TTC4: variants seen among roughly 807,000 people sequenced by gnomAD.
TTC4 encodes the protein hsp70/Hsp90 co-chaperone CNS1 homolog.
A neutral mutation model predicts 51.9 loss-of-function variants in TTC4; 36 were observed. The ratio of observed to expected loss-of-function variants is 0.69; its 90% CI spans 0.53 to 0.92. The LOEUF is 0.92. TTC4 is among the 40% of genes least tolerant of loss of function. The pLI, the probability that TTC4 is intolerant of heterozygous loss-of-function variation, is 0.00. For missense variants in TTC4, 399 were observed against 454.6 expected (o/e 0.88, Z 1.11); for synonymous variants, 144 against 164.2 (o/e 0.88, Z 0.94).
In TTC4 at chr1:54,716,019, G is replaced by A; in HGVS notation, c.111G>A (p.Lys37=). The A allele has an allele frequency of 1.9e-6, 3 of 1,579,962 alleles. No homozygotes were observed. The highest frequency in any genetic ancestry group is 1.2e-5 in the South Asian group (1 of 86,282). ...RGGFHEDQWE[K]EFEKVPLFMS... is the part of the protein sequence containing the mutation. ...GCTTTCATGAGGACCAGTGGGAGAA[G>A]GTGGGCGGTCCTGGGGTCTCCCCAC... The change falls in exon 1 of 10, where the codon AAG becomes AAA. Residue 37 remains lysine (K), a splice_region_variant and synonymous_variant. Transcript: ENST00000371281.
intron 6 of TTC4, among the ~76,000 whole-genome samples, chr1:54,729,411 T>C (rs1645838720): frequency 1.3e-5 from 2 of 152,356 alleles, no homozygotes; most frequent in Admixed American, 6.5e-5. Flanking sequence ...AAATAGGTTG[T>C]CTTGCTTCTG....
chr1:54,731,403 T>G (rs1645864021), intron 6 of TTC4, 83 bp from the exon 7 acceptor site: 1 of 1,309,878 alleles, frequency 7.6e-7, no homozygotes, highest in East Asian at 2.6e-5. Context: ...GCATTATGGT[T>G]TCTTTATTTC....
chr1:54,730,807 T>TA (rs1645856505), intron 6 of TTC4, among the ~76,000 whole-genome samples: 1 of 151,802 alleles, frequency 6.6e-6, no homozygotes, highest in Non-Finnish European at 1.5e-5. Flanking sequence ...TTTTTTTTTT[T>TA]ATCTTTTCTG....
chr1:54,720,564 A>G (rs373278273), intron 3 of TTC4, among the ~76,000 whole-genome samples: 1 of 151,532 alleles, frequency 6.6e-6, no homozygotes, highest in Admixed American at 6.6e-5. Context: ...TAGAACAGAC[A>G]TCCTACCGTG....
chr1:54,740,699 C>A (rs1181287872), intron 9 of TTC4, among the ~76,000 whole-genome samples: 1 of 152,050 alleles, frequency 6.6e-6, no homozygotes, highest in Non-Finnish European at 1.5e-5. Context: ...CGAAATAGGC[C>A]CTCTGTCCCA....
intron 5 of TTC4, 123 bp downstream of exon 5, chr1:54,722,922 TG>T: frequency 8.0e-7 from 1 of 1,250,388 alleles, no homozygotes; most frequent in East Asian, 2.5e-5. Context: ...TCCCTACTCC[TG>T]GAACTCTGTG....
chr1:54,728,111 G>A (rs1645823457), intron 5 of TTC4, among the ~76,000 whole-genome samples: 1 of 152,176 alleles, frequency 6.6e-6, no homozygotes, highest in African/African-American at 2.4e-5. Context: ...CCCCTCAGTA[G>A]ACTGTGAGTT....
At chr1:54,720,746 C>T (rs193267469) in intron 3 of TTC4, among the ~76,000 whole-genome samples, 15 of 152,238 alleles carry the variant, frequency 9.9e-5, no homozygotes, top group African/African-American at 2.6e-4. Flanking sequence ...TATCCCTGCA[C>T]ATTTGTTCAA....
intron 4 of TTC4, 98 bp from the exon 5 acceptor site, chr1:54,722,577 G>A (rs1472686469): frequency 1.9e-6 from 3 of 1,549,018 alleles, no homozygotes; most frequent in Non-Finnish European, 2.6e-6. Flanking sequence ...TGCCTTCAGG[G>A]TACTGGCTGG....
rs1404425140 is a variant in TTC4 at position 54,731,500 on chromosome 1, G to A, written c.696G>A (p.Arg232=). 4 of 1,613,890 alleles carry A rather than the reference G, an allele frequency of 2.5e-6. No homozygotes were observed. The highest frequency in any genetic ancestry group is 1.3e-5 in the African/African-American group (1 of 75,024). The change falls in exon 7 of 10, where the codon AGG becomes AGA. Residue 232 remains arginine (R), a synonymous_variant. Coordinates refer to ENST00000371281, the MANE Select transcript of TTC4 (RefSeq NM_004623.5). ...CTTTAACCCAGGCTAGGAATATCAG[G>A]CTCTCAGAAGCTGCCTGTGAGGATG... ...LLQAIKARNI[R]LSEAACEDED... is the part of the protein sequence containing the mutation.
chr1:54,732,464 T>C (rs7539508), intron 7 of TTC4, among the ~76,000 whole-genome samples: 1,948 of 151,444 alleles, frequency 0.013, 43 homozygotes, highest in African/African-American at 0.045. Flanking sequence ...TTGTAATTTT[T>C]TTTTTTTTTT....
intron 8 of TTC4, among the ~76,000 whole-genome samples, chr1:54,734,161 T>TCACCC (rs1645906387): frequency 6.6e-6 from 1 of 151,910 alleles, no homozygotes; most frequent in Non-Finnish European, 1.5e-5. Flanking sequence ...AACCTCTGCC[T>TCACCC]CCCAGGTTCA....
chr1:54,718,313 C>T (rs1557741291), intron 3 of TTC4, among the ~76,000 whole-genome samples: 1 of 152,222 alleles, frequency 6.6e-6, no homozygotes, highest in Non-Finnish European at 1.5e-5. Context: ...GAGCCATAAT[C>T]ACACCACTGC....
chr1:54,739,991 T>C (rs996915741), intron 9 of TTC4, among the ~76,000 whole-genome samples: 2 of 152,138 alleles, frequency 1.3e-5, no homozygotes, highest in African/African-American at 4.8e-5. Context: ...TTAGAGATCA[T>C]CCTGAGAAAC....
At chr1:54,723,054 G>A (rs112560266) in intron 5 of TTC4, among the ~76,000 whole-genome samples, 8 of 152,266 alleles carry the variant, frequency 5.3e-5, no homozygotes, top group African/African-American at 1.7e-4. Flanking sequence ...ATGGAACTCC[G>A]TATATATTAC....
At chr1:54,728,892 T>G (rs567976864) in intron 6 of TTC4, among the ~76,000 whole-genome samples, 1 of 152,342 alleles carries the variant, frequency 6.6e-6, no homozygotes, top group African/African-American at 2.4e-5. Flanking sequence ...TTTCCTTCTT[T>G]GTAATTTCAC....
At chr1:54,728,870 C>T (rs1457993776) in intron 6 of TTC4, among the ~76,000 whole-genome samples, 1 of 151,280 alleles carries the variant, frequency 6.6e-6, no homozygotes, top group Non-Finnish European at 1.5e-5. Flanking sequence ...GCAAAACTAG[C>T]ATGAATTTCT....
rs1376005974 is a variant in TTC4, at chr1:54,721,118, T to C, written c.392-45T>C. 2.5e-6 allele frequency: 4 copies of C among 1,594,890 alleles called. No individual in the cohort carries two copies. In the South Asian group the frequency reaches 3.3e-5, roughly 13 times the overall value. On this transcript the variant is annotated intron_variant, in intron 3 of 9. Transcript: ENST00000371281. ...ACTACATATAAAATTTTGGAAACAT[T>C]TTGATCTCAAAACTTCTCTCTTTTA...
Position 54,723,263 on chromosome 1 carries a change from T to A in TTC4, c.594+464T>A, listed in dbSNP as rs531640728. Among the ~76,000 whole-genome samples, 158 of 152,336 alleles carry A rather than the reference T, an allele frequency of 1.0e-3. 1 individual carries two copies. Among genetic ancestry groups the A allele is most frequent in the African/African-American group, 3.7e-3 (154 of 41,570 alleles). ...TATGTAGCAGGCTATACCATCTCAGTTTGTGTAAGTACATTCCATGATGCT... is the reference window on the plus strand; with the variant it reads ...TATGTAGCAGGCTATACCATCTCAGATTGTGTAAGTACATTCCATGATGCT... On this transcript the variant is annotated intron_variant, in intron 5 of 9. Transcript: ENST00000371281.
Sources: allele counts gnomAD v4.1 joint callset (sites outside exome capture counted in the v4.1 genomes callset), GRCh38; gene constraint gnomAD v4.1.1; transcripts MANE v1.5; gene names NCBI Gene and HGNC (gene_info 2026-07-23, HGNC 2026-07-21).